Variants in UNC13C observed in about 807,000 individuals in gnomAD.
UNC13C encodes unc-13 homolog C.
A neutral mutation model predicts 245.4 loss-of-function variants in UNC13C; 174 were observed. That is an observed-to-expected ratio of 0.71 (90% CI 0.63 to 0.80). The LOEUF is 0.80. Among genes scored for constraint, UNC13C ranks in the 30% least tolerant of loss-of-function variants. The probability of loss-of-function intolerance (pLI) is 0.00; values close to 1 mark genes in which losing one functional copy is unlikely to be tolerated. For synonymous variants in UNC13C, 992 were observed against 895.1 expected (o/e 1.11, Z -1.93); for missense variants, 2,829 against 2,602.9 (o/e 1.09, Z -1.89).
intron 2 of UNC13C, among the ~76,000 whole-genome samples, chr15:54,018,244 A>G (rs1276696189): frequency 6.6e-6 from 1 of 152,128 alleles, no homozygotes; most frequent in African/African-American, 2.4e-5. Context: ...AGATGCCAAC[A>G]TATTTTTTCT....
intron 7 of UNC13C, among the ~76,000 whole-genome samples, chr15:54,239,936 C>T (rs1194521394): frequency 6.6e-6 from 1 of 152,178 alleles, no homozygotes; most frequent in Non-Finnish European, 1.5e-5. Context: ...TAAACTCCTA[C>T]ACTGTACCTT....
At chr15:54,259,695 G>A (rs555673855) in intron 8 of UNC13C, among the ~76,000 whole-genome samples, 3 of 150,794 alleles carry the variant, frequency 2.0e-5, no homozygotes, top group South Asian at 4.1e-4. Flanking sequence ...TTATTTAAAA[G>A]TGATACTCTT....
chr15:53,838,105 T>C, the UNC13C span, among the ~76,000 whole-genome samples: 7 of 152,166 alleles, frequency 4.6e-5, no homozygotes, highest in African/African-American at 1.7e-4. Context: ...TAGTTTATAA[T>C]TTTTCCATGA....
At chr15:53,966,277 C>G in the UNC13C span, among the ~76,000 whole-genome samples, 535 of 152,118 alleles carry the variant, frequency 3.5e-3, 2 homozygotes, top group African/African-American at 0.013. Flanking sequence ...ATGGTTGTAT[C>G]TTTTTCTATA....
At chr15:54,368,127 A>G (rs888726500) in intron 17 of UNC13C, among the ~76,000 whole-genome samples, 1 of 152,028 alleles carries the variant, frequency 6.6e-6, no homozygotes, top group Admixed American at 6.6e-5. Context: ...TCAGCCATGC[A>G]TTTCAGAGAT....
the UNC13C span, among the ~76,000 whole-genome samples, chr15:53,904,729 C>A: frequency 1.3e-5 from 2 of 152,068 alleles, no homozygotes; most frequent in East Asian, 1.9e-4. Flanking sequence ...GAAAAGACTC[C>A]ACGTTTTCAT....
chr15:54,097,723 C>T (rs116953186), intron 2 of UNC13C, among the ~76,000 whole-genome samples: 1 of 152,278 alleles, frequency 6.6e-6, no homozygotes, highest in East Asian at 1.9e-4. Context: ...GTCCATCTCT[C>T]TTGGTCTGCA....
At chr15:53,965,539 C>CTTATTTAT in the UNC13C span, among the ~76,000 whole-genome samples, 2,841 of 144,716 alleles carry the variant, frequency 0.02, 65 homozygotes, top group African/African-American at 0.055. Context: ...TTTTTTTTCC[C>CTTATTTAT]TTATTTATTT....
chr15:54,406,358 G>A (rs1327223038), intron 18 of UNC13C, among the ~76,000 whole-genome samples: 1 of 152,000 alleles, frequency 6.6e-6, no homozygotes, highest in Non-Finnish European at 1.5e-5. Context: ...TCTCACATAA[G>A]GATCTTATTT....
chr15:54,345,212 C>G (rs2038832930), intron 17 of UNC13C, among the ~76,000 whole-genome samples: 1 of 152,162 alleles, frequency 6.6e-6, no homozygotes, highest in African/African-American at 2.4e-5. Flanking sequence ...GAACTTAGGA[C>G]AGTGCCGAGT....
chr15:54,417,063 C>A (rs1417790170), intron 19 of UNC13C: 1 of 431,090 alleles, frequency 2.3e-6, no homozygotes, highest in South Asian at 1.6e-5. Flanking sequence ...TTTTAATCTG[C>A]TGCGTAACAA....
At chr15:54,535,540 A>G (rs1430870403) in intron 26 of UNC13C, among the ~76,000 whole-genome samples, 1 of 152,160 alleles carries the variant, frequency 6.6e-6, no homozygotes, top group African/African-American at 2.4e-5. Flanking sequence ...CAAAAACAGA[A>G]TATACATTCT....
chr15:54,581,173 G>A (rs2141239225), intron 30 of UNC13C, among the ~76,000 whole-genome samples: 1 of 152,258 alleles, frequency 6.6e-6, no homozygotes, highest in East Asian at 1.9e-4. Flanking sequence ...GGAGCCTTCG[G>A]GGAAGATGTA....
chr15:54,466,828 A>T (rs1381128460), intron 19 of UNC13C, among the ~76,000 whole-genome samples: 2 of 151,946 alleles, frequency 1.3e-5, no homozygotes, highest in Non-Finnish European at 2.9e-5. Context: ...AAAAGAGAAA[A>T]ATGTAATAAA....
At chr15:54,020,583 G>A (rs964400815) in intron 2 of UNC13C, among the ~76,000 whole-genome samples, 1 of 151,498 alleles carries the variant, frequency 6.6e-6, no homozygotes, top group African/African-American at 2.4e-5. Context: ...ACACCCGGCC[G>A]ATTTTTCTTA....
At chr15:54,553,205 A>G (rs1255045799) in intron 28 of UNC13C, among the ~76,000 whole-genome samples, 2 of 115,070 alleles carry the variant, frequency 1.7e-5, no homozygotes, top group African/African-American at 6.9e-5. Flanking sequence ...ACTGTATTCT[A>G]TATTACAATA....
At chr15:54,255,450 A>T (rs115746966) in intron 8 of UNC13C, among the ~76,000 whole-genome samples, 52 of 151,988 alleles carry the variant, frequency 3.4e-4, no homozygotes, top group African/African-American at 1.2e-3. Flanking sequence ...TAGTCTGCCG[A>T]CGTGACGATT....
At chr15:54,221,014 G>A (rs760768067) in intron 4 of UNC13C, among the ~76,000 whole-genome samples, 1 of 152,018 alleles carries the variant, frequency 6.6e-6, no homozygotes, top group Non-Finnish European at 1.5e-5. Context: ...CCCACACGTT[G>A]ACAATTCTGA....
the UNC13C span, among the ~76,000 whole-genome samples, chr15:53,920,539 G>C: frequency 7.4e-4 from 113 of 152,230 alleles, no homozygotes; most frequent in African/African-American, 2.5e-3. Context: ...GGTGACAAGA[G>C]TGAAACTGTC....
Sources: allele counts gnomAD v4.1 joint callset (sites outside exome capture counted in the v4.1 genomes callset), GRCh38; gene constraint gnomAD v4.1.1; transcripts MANE v1.5; gene names NCBI Gene and HGNC (gene_info 2026-07-23, HGNC 2026-07-21).